The following PIKFYVE variants were observed in gnomAD, a reference collection of about 807,000 sequenced individuals.
PIKFYVE encodes 1-phosphatidylinositol 3-phosphate 5-kinase.
PIKFYVE carries 122 observed loss-of-function variants against 257.9 expected under a neutral mutation model. That is an observed-to-expected ratio of 0.47 (90% CI 0.41 to 0.55). PIKFYVE has a LOEUF of 0.55. Among genes scored for constraint, PIKFYVE ranks in the 20% least tolerant of loss-of-function variants. The pLI is 0.00. For synonymous variants in PIKFYVE, 892 were observed against 868.9 expected (o/e 1.03, Z -0.47); for missense variants, 2,160 against 2,536.6 (o/e 0.85, Z 3.19).
At chr2:208,300,069 A>G (rs1693493285) in intron 8 of PIKFYVE, among the ~76,000 whole-genome samples, 1 of 152,200 alleles carries the variant, frequency 6.6e-6, no homozygotes, top group African/African-American at 2.4e-5. Flanking sequence ...AGGTAGAAAT[A>G]AGATCAGTGG....
chr2:208,315,483 G>C (rs1400197272), intron 15 of PIKFYVE, 110 bp downstream of exon 15: 1 of 1,301,162 alleles, frequency 7.7e-7, no homozygotes, highest in Non-Finnish European at 1.1e-6. Context: ...GGGGTGCTAG[G>C]TGAGGAGTAG....
Position 208,340,229 on chromosome 2 carries a change from C to T in PIKFYVE, c.4931+98C>T, listed in dbSNP as rs551803521. The T allele has an allele frequency of 6.7e-4, 963 of 1,443,834 alleles. 1 individual carries two copies. The highest frequency in any genetic ancestry group is 8.6e-4 in the Non-Finnish European group (894 of 1,039,670). The allele number at this position is 1,443,834 out of a possible 1,614,324, so 89.4% of individuals were successfully genotyped here. On this transcript the variant is annotated intron_variant, in intron 31 of 41. Transcript: ENST00000264380. ...TATATTTATCTGATGCATGATTTTT[C>T]AATCCTAAATTTTATTTCATTTTAG...
chr2:208,279,653 A>C (rs1690555423), intron 5 of PIKFYVE, among the ~76,000 whole-genome samples: 1 of 152,164 alleles, frequency 6.6e-6, no homozygotes, highest in Non-Finnish European at 1.5e-5. Flanking sequence ...TATTGAATAG[A>C]GAGTCCTTTC....
rs886055544 is a variant in PIKFYVE, at chr2:208,356,941, AT to A, written c.*1638del. 2 of 152,666 alleles carry A rather than the reference AT, an allele frequency of 1.3e-5. No individual in the cohort carries two copies. Among genetic ancestry groups the A allele is most frequent in the Non-Finnish European group, 2.9e-5 (2 of 68,042 alleles). 9.5% of individuals were successfully genotyped at this position (152,666 alleles called of 1,614,324 possible). On this transcript the variant is annotated 3_prime_UTR_variant, in exon 42 of 42. Coordinates refer to ENST00000264380, the MANE Select transcript of PIKFYVE (RefSeq NM_015040.4). Reference sequence around the variant, plus strand: ...GTTACACAGTATGATGAATACTTGAATTAGGAACATTGTGGAAAATTTGCTT... The same window carrying A: ...GTTACACAGTATGATGAATACTTGAATAGGAACATTGTGGAAAATTTGCTT...
intron 10 of PIKFYVE, among the ~76,000 whole-genome samples, chr2:208,303,240 C>T (rs904093222): frequency 2.7e-5 from 4 of 149,290 alleles, no homozygotes; most frequent in Admixed American, 6.8e-5. Flanking sequence ...TATATATATA[C>T]ACACACACAC....
chr2:208,302,106 T>G (rs10497897), intron 9 of PIKFYVE, 136 bp from the exon 10 acceptor site: 95,283 of 740,850 alleles, frequency 0.13, 6,684 homozygotes, highest in Non-Finnish European at 0.14. Context: ...GTTTCGTCCT[T>G]TACTTATCCA....
chr2:208,275,948 A>G (rs1186591634), intron 3 of PIKFYVE, among the ~76,000 whole-genome samples: 1 of 152,240 alleles, frequency 6.6e-6, no homozygotes, highest in Admixed American at 6.5e-5. Context: ...TTTGGTGGGC[A>G]TACCCTATTT....
intron 13 of PIKFYVE, 59 bp downstream of exon 13, chr2:208,312,354 T>C: frequency 7.5e-7 from 1 of 1,341,204 alleles, no homozygotes; most frequent in South Asian, 1.2e-5. Context: ...AGGATATACT[T>C]AGGGCTTAGC....
chr2:208,347,871 C>T lies in PIKFYVE; in HGVS notation c.5222C>T (p.Ser1741Phe). Residue 1741 changes from serine (S) to phenylalanine (F), a missense_variant, in exon 35 of 42, where the codon TCT becomes TTT. By Grantham distance (155) the Ser-to-Phe change is radical (BLOSUM62 -2). Around this residue, in one of 12 missense-constraint regions of PIKFYVE, gnomAD observed 699 missense variants for 855.8 expected, o/e 0.82. Coordinates refer to ENST00000264380, the MANE Select transcript of PIKFYVE (RefSeq NM_015040.4). ...ETEPQPTKKA[S>F]GMLSFFRGTA... ...TTCTTATTTTTAGCCAAAAAGGCTT[C>T]TGGAATGTTGTCCTTCTTCAGAGGG... 1.2e-6 allele frequency: 2 copies of T among 1,613,140 alleles called. No homozygotes were observed. Among genetic ancestry groups the T allele is most frequent in the Non-Finnish European group, 1.7e-6 (2 of 1,179,584 alleles).
chr2:208,315,325 G>A lies in PIKFYVE; in HGVS notation c.1959G>A (p.Lys653=). ...QVVQTVRPDV[K]NQDDDMDIRQ... is the part of the protein sequence containing the mutation. ...TTCAGACAGTCCGACCTGATGTCAA[G>A]AACCAGGATGATGACATGGATATCC... Residue 653 remains lysine, a synonymous_variant, in exon 15 of 42, where the codon AAG becomes AAA. Coordinates refer to ENST00000264380, the MANE Select transcript of PIKFYVE (RefSeq NM_015040.4). 6.2e-6 allele frequency: 10 copies of A among 1,614,188 alleles called. No individual in the cohort carries two copies. Among genetic ancestry groups the A allele is most frequent in the Non-Finnish European group, 8.5e-6 (10 of 1,180,020 alleles).
chr2:208,287,683 C>G (rs534839587), intron 6 of PIKFYVE, among the ~76,000 whole-genome samples: 21 of 152,262 alleles, frequency 1.4e-4, no homozygotes, highest in African/African-American at 4.8e-4. Context: ...TCACTGCAAC[C>G]TCCGCCTCCC....
At chr2:208,312,773 G>GAATAGAAAGT (rs111622890) in intron 13 of PIKFYVE, among the ~76,000 whole-genome samples, 1 of 152,058 alleles carries the variant, frequency 6.6e-6, no homozygotes, top group Non-Finnish European at 1.5e-5. Flanking sequence ...CACAAAAGGA[G>GAATAGAAAGT]ATTAGCCTTC....
intron 20 of PIKFYVE, among the ~76,000 whole-genome samples, chr2:208,327,124 G>A (rs761132482): frequency 6.6e-6 from 1 of 152,152 alleles, no homozygotes; most frequent in African/African-American, 2.4e-5. Flanking sequence ...CTAAATAATA[G>A]TGGTGCTAAA....
intron 19 of PIKFYVE, 98 bp from the exon 20 acceptor site, chr2:208,325,171 GT>G: frequency 6.4e-7 from 1 of 1,566,254 alleles, no homozygotes; most frequent in South Asian, 1.1e-5. Flanking sequence ...TCATGTAAGA[GT>G]TTTTCTTTTA....
At chr2:208,335,208 T>A in intron 24 of PIKFYVE, 98 bp from the exon 25 acceptor site, 2 of 825,564 alleles carry the variant, frequency 2.4e-6, no homozygotes, top group Non-Finnish European at 4.1e-6. Flanking sequence ...ACTTTTCCTC[T>A]TATGCCTCAT....
At position 208,349,770 on chromosome 2, in the gene PIKFYVE, G is replaced by T. The variant is rs570636782; in HGVS notation, c.5375-254G>T. On this transcript the variant is annotated intron_variant, in intron 35 of 41. Coordinates refer to ENST00000264380, the MANE Select transcript of PIKFYVE (RefSeq NM_015040.4). ...TTGCCACTGTAGGAATCATTCAGTTGTAAGAAAAAGTATTCAACCTAAATT... is the reference window on the plus strand; with the variant it reads ...TTGCCACTGTAGGAATCATTCAGTTTTAAGAAAAAGTATTCAACCTAAATT... Among the ~76,000 whole-genome samples the T allele has an allele frequency of 3.3e-5, 5 of 152,028 alleles. No homozygotes were observed. The East Asian group carries it at 9.6e-4, about 29-fold the overall frequency.
rs767042589 is a variant in PIKFYVE, at chr2:208,354,558, T to C, written c.6107-13T>C. 17 of 1,601,684 alleles carry C rather than the reference T, an allele frequency of 1.1e-5. No individual in the cohort carries two copies. Among genetic ancestry groups the C allele is most frequent in the Non-Finnish European group, 1.4e-5 (16 of 1,168,952 alleles). On this transcript the variant is annotated splice_polypyrimidine_tract_variant and intron_variant, in intron 40 of 41. Transcript: ENST00000264380. ...ATAGCTTTATTGCTAATTTCACTCC[T>C]TCTACCCCCCAGATTATATTCGAAC...
chr2:208,294,371 C>A (rs1389463249), intron 7 of PIKFYVE, among the ~76,000 whole-genome samples: 1 of 152,200 alleles, frequency 6.6e-6, no homozygotes, highest in Non-Finnish European at 1.5e-5. Flanking sequence ...AAAAACAATT[C>A]CTAGACTGAT....
At chr2:208,270,130 C>G (rs1367243571) in intron 1 of PIKFYVE, among the ~76,000 whole-genome samples, 1 of 150,820 alleles carries the variant, frequency 6.6e-6, no homozygotes, top group African/African-American at 2.4e-5. Flanking sequence ...TAACCTCCGC[C>G]TCCTGGGTTC....
Sources: allele counts gnomAD v4.1 joint callset (sites outside exome capture counted in the v4.1 genomes callset), GRCh38; gene constraint gnomAD v4.1.1; regional missense constraint gnomAD v4.1.1; transcripts MANE v1.5; gene names NCBI Gene and HGNC (gene_info 2026-07-23, HGNC 2026-07-21).